Variants in GEMIN8 observed in about 807,000 individuals in gnomAD.
GEMIN8 encodes the protein gem-associated protein 8.
For synonymous variants in GEMIN8, 80 were observed against 78.5 expected (o/e 1.02, Z -0.10); for missense variants, 185 against 205.9 (o/e 0.90, Z 0.62).
intron 1 of GEMIN8, chrX:14,029,433 CA>C (rs1193672369): frequency 8.9e-6 from 1 of 111,890 alleles, no homozygotes; most frequent in African/African-American, 3.3e-5. Flanking sequence ...ATCACCTGGG[CA>C]GCTTTAAAAA....
At chrX:13,997,180 T>C in the GEMIN8 span, among the ~76,000 whole-genome samples, 5 of 110,947 alleles carry the variant, frequency 4.5e-5, 1 homozygote, top group South Asian at 1.9e-3. Flanking sequence ...GAACTCGTGA[T>C]CTGCCCACCT....
Position 14,007,186 on chromosome X carries a change from A to G in GEMIN8, c.*1727T>C, listed in dbSNP as rs1451564627. Among the ~76,000 whole-genome samples the G allele has an allele frequency of 8.9e-6, 1 of 112,443 alleles. No homozygotes were observed. The highest frequency in any genetic ancestry group is 3.2e-5 in the African/African-American group (1 of 30,929). On this transcript the variant is annotated 3_prime_UTR_variant, in exon 5 of 5. Coordinates refer to ENST00000680255, the MANE Select transcript of GEMIN8 (RefSeq NM_001042479.2). Reference sequence around the variant, plus strand: ...GACTCCAGTAATAAAATGAGAGCTTAGAAAAATAAGCACCCAGGGCTGATG... The same window carrying G: ...GACTCCAGTAATAAAATGAGAGCTTGGAAAAATAAGCACCCAGGGCTGATG...
At chrX:14,025,472 T>C (rs1007797019) in intron 2 of GEMIN8, among the ~76,000 whole-genome samples, 2 of 111,908 alleles carry the variant, frequency 1.8e-5, no homozygotes, top group African/African-American at 3.2e-5. Flanking sequence ...TGAAGTTGTA[T>C]AGATTCTCTC....
chrX:14,020,554 G>A lies in GEMIN8; in HGVS notation c.16-20C>T, dbSNP rs1373503128. ...TGATGCCTACAAAATGAAAGGAGGT[G>A]GAGGGTGGACACCAAAGTGTTTATT... On this transcript the variant is annotated intron_variant, in intron 3 of 4. Coordinates refer to ENST00000680255, the MANE Select transcript of GEMIN8 (RefSeq NM_001042479.2). The A allele has an allele frequency of 2.0e-6, 2 of 1,013,818 alleles. No individual in the cohort carries two copies. Among genetic ancestry groups the A allele is most frequent in the South Asian group, 2.0e-5 (1 of 50,410 alleles). The allele number at this position is 1,013,818 out of a possible 1,213,427, so 83.5% of individuals were successfully genotyped here.
chrX:13,999,042 T>C, the GEMIN8 span, among the ~76,000 whole-genome samples: 1 of 111,578 alleles, frequency 9.0e-6, no homozygotes, highest in South Asian at 3.7e-4. Context: ...GTATAACTGA[T>C]ATAAACACAA....
chrX:13,985,724 G>T, the GEMIN8 span, among the ~76,000 whole-genome samples: 1 of 111,484 alleles, frequency 9.0e-6, no homozygotes, highest in Admixed American at 9.6e-5. Context: ...GCTGTGTACT[G>T]AAAAATGCTC....
intron 4 of GEMIN8, among the ~76,000 whole-genome samples, chrX:14,011,077 G>C (rs1411482418): frequency 8.9e-6 from 1 of 112,107 alleles, no homozygotes; most frequent in Admixed American, 9.5e-5. Context: ...CAAGAGTTCT[G>C]TGTGTTCCTG....
At chrX:14,016,844 CAAAAAAAAAAAAAAAAAAA>C (rs1174566527) in intron 4 of GEMIN8, among the ~76,000 whole-genome samples, 2 of 22,580 alleles carry the variant, frequency 8.9e-5, no homozygotes, top group South Asian at 2.8e-3. Flanking sequence ...GAATCTGTCT[CAAAAAAAAAAAAAAAAAAA>C]AAAATATATA....
chrX:13,995,532 G>A, the GEMIN8 span, among the ~76,000 whole-genome samples: 1 of 111,828 alleles, frequency 8.9e-6, no homozygotes, highest in South Asian at 3.8e-4. Flanking sequence ...TCCTTTTATA[G>A]TTCTGGAGGG....
At chrX:13,999,093 CCTT>C in the GEMIN8 span, among the ~76,000 whole-genome samples, 1 of 110,454 alleles carries the variant, frequency 9.1e-6, no homozygotes, top group East Asian at 2.8e-4. Context: ...TTTTTTAAAG[CCTT>C]CTTATTTTGG....
intron 2 of GEMIN8, among the ~76,000 whole-genome samples, chrX:14,023,239 T>C (rs1233591893): frequency 8.9e-6 from 1 of 112,252 alleles, no homozygotes; most frequent in Non-Finnish European, 1.9e-5. Context: ...ACTGAAGAAA[T>C]ATAAAAGTTA....
intron 4 of GEMIN8, among the ~76,000 whole-genome samples, chrX:14,017,987 T>C (rs7060269): frequency 0.25 from 28,220 of 111,538 alleles, 2,728 homozygotes; most frequent in Non-Finnish European, 0.3. Context: ...AACACAGAGA[T>C]GAAGCTTATC....
At chrX:14,022,569 C>G (rs1289190767) in intron 2 of GEMIN8, among the ~76,000 whole-genome samples, 1 of 109,923 alleles carries the variant, frequency 9.1e-6, no homozygotes, top group Non-Finnish European at 1.9e-5. Flanking sequence ...TAATCTGCAG[C>G]TGTAGCTTTT....
chrX:14,006,221 G>A (rs1569344546), downstream of GEMIN8, among the ~76,000 whole-genome samples: 1 of 110,574 alleles, frequency 9.0e-6, no homozygotes, highest in East Asian at 2.9e-4. Flanking sequence ...TAAAGACAGG[G>A]CTTCACCATG....
chrX:14,009,728 G>A (rs1923409107), intron 4 of GEMIN8, among the ~76,000 whole-genome samples: 1 of 111,667 alleles, frequency 9.0e-6, no homozygotes, highest in African/African-American at 3.3e-5. Flanking sequence ...GAGCTTGCTT[G>A]GTTTCAAACA....
At chrX:14,012,271 C>T (rs1414511989) in intron 4 of GEMIN8, among the ~76,000 whole-genome samples, 1 of 104,386 alleles carries the variant, frequency 9.6e-6, no homozygotes, top group Non-Finnish European at 2.0e-5. Context: ...GTGTGTGCCA[C>T]CACGCCTGGA....
At chrX:14,010,438 C>T (rs767241203) in intron 4 of GEMIN8, among the ~76,000 whole-genome samples, 2 of 111,607 alleles carry the variant, frequency 1.8e-5, no homozygotes, top group South Asian at 3.8e-4. Context: ...AGAAACACCA[C>T]GAGATAAGGA....
At chrX:14,017,821 C>T (rs949027346) in intron 4 of GEMIN8, among the ~76,000 whole-genome samples, 2 of 112,317 alleles carry the variant, frequency 1.8e-5, no homozygotes, top group Non-Finnish European at 3.8e-5. Flanking sequence ...ACCTCAATTA[C>T]CTCTGGAAAG....
chrX:14,007,893 A>G lies in GEMIN8; in HGVS notation c.*1020T>C, dbSNP rs1923257400. Among the ~76,000 whole-genome samples the G allele has an allele frequency of 8.9e-6, 1 of 111,786 alleles. No homozygotes were observed. The highest frequency in any genetic ancestry group is 3.3e-5 in the African/African-American group (1 of 30,708). ...GCTCTGTAGACATAATGAGATAACA[A>G]GAATAAAAATGTCAGGCAGGTGATT... On this transcript the variant is annotated 3_prime_UTR_variant, in exon 5 of 5. Coordinates refer to ENST00000680255, the MANE Select transcript of GEMIN8 (RefSeq NM_001042479.2).
Sources: allele counts gnomAD v4.1 joint callset (sites outside exome capture counted in the v4.1 genomes callset), GRCh38; gene constraint gnomAD v4.1.1; transcripts MANE v1.5; gene names NCBI Gene and HGNC (gene_info 2026-07-23, HGNC 2026-07-21).